PFKFB1: variants seen among roughly 807,000 people sequenced by gnomAD.
PFKFB1 encodes 6-phosphofructo-2-kinase/fructose-2,6-biphosphatase 1.
In PFKFB1, 34 loss-of-function variants were observed where a neutral mutation model predicts 46.4. That is an observed-to-expected ratio of 0.73 (90% CI 0.56 to 0.98). The LOEUF is 0.98. Among genes scored for constraint, PFKFB1 ranks in the 50% least tolerant of loss-of-function variants. The probability of loss-of-function intolerance (pLI) is 0.00; values close to 1 mark genes in which losing one functional copy is unlikely to be tolerated. For synonymous variants in PFKFB1, 119 were observed against 133.8 expected, an observed-to-expected ratio of 0.89 and a Z score of 0.76; for missense variants, 393 against 376.3, an observed-to-expected ratio of 1.04 and a Z score of -0.37.
intron 1 of PFKFB1, among the ~76,000 whole-genome samples, chrX:54,993,670 T>C (rs1453866510): frequency 1.8e-5 from 2 of 112,237 alleles, no homozygotes; most frequent in Non-Finnish European, 3.8e-5. Context: ...TTCCTAAAGA[T>C]CCCTCTGATT....
chrX:54,983,529 C>T (rs909144031), intron 1 of PFKFB1, among the ~76,000 whole-genome samples: 21 of 112,084 alleles, frequency 1.9e-4, no homozygotes, highest in African/African-American at 3.2e-4. Flanking sequence ...TAGTATTCCA[C>T]GGCATACACA....
intron 12 of PFKFB1, 149 bp from the exon 13 acceptor site, chrX:54,934,034 G>C: frequency 4.4e-6 from 2 of 454,864 alleles, no homozygotes; most frequent in Non-Finnish European, 7.7e-6. Flanking sequence ...GGAGAATTTA[G>C]ACAGCTATGT....
intron 8 of PFKFB1, among the ~76,000 whole-genome samples, chrX:54,950,401 T>G (rs1389895214): frequency 9.0e-6 from 1 of 111,607 alleles, no homozygotes; most frequent in Non-Finnish European, 1.9e-5. Flanking sequence ...GGGGCTGCAC[T>G]TTAGATAGTG....
intron 9 of PFKFB1, among the ~76,000 whole-genome samples, chrX:54,947,116 C>T (rs1461886958): frequency 9.0e-6 from 1 of 111,389 alleles, no homozygotes; most frequent in African/African-American, 3.3e-5. Flanking sequence ...CTCCCTATCC[C>T]TGTCTCTCTG....
At chrX:54,987,846 C>A (rs1006745024) in intron 1 of PFKFB1, among the ~76,000 whole-genome samples, 4 of 110,969 alleles carry the variant, frequency 3.6e-5, no homozygotes, top group Non-Finnish European at 7.6e-5. Flanking sequence ...ATAAAAGACA[C>A]CAATGAAAAA....
intron 10 of PFKFB1, among the ~76,000 whole-genome samples, chrX:54,938,099 G>A (rs1381166467): frequency 8.9e-6 from 1 of 112,314 alleles, no homozygotes; most frequent in East Asian, 2.8e-4. Flanking sequence ...ATAAGTGGAT[G>A]TAGCAGCCAC....
chrX:54,980,541 C>T (rs139621224), intron 1 of PFKFB1, among the ~76,000 whole-genome samples: 130 of 110,402 alleles, frequency 1.2e-3, no homozygotes, highest in African/African-American at 4.2e-3. Context: ...ACAAAGGTGA[C>T]GTAATCAGCG....
intron 8 of PFKFB1, among the ~76,000 whole-genome samples, chrX:54,949,508 CAAACAGGCCCACCTCT>C (rs1242595288): frequency 1.8e-5 from 2 of 111,109 alleles, no homozygotes; most frequent in African/African-American, 6.5e-5. Context: ...TTCATTCATT[CAAACAGGCCCACCTCT>C]AACATTTGTG....
Position 54,945,636 on chromosome X carries a change from C to G in PFKFB1, c.994-93G>C, listed in dbSNP as rs924939508. 3 of 569,077 alleles carry G rather than the reference C, an allele frequency of 5.3e-6. No individual in the cohort carries two copies. In the Admixed American group the frequency reaches 9.6e-5, roughly 18 times the overall value. 46.9% of individuals were successfully genotyped at this position (569,077 alleles called of 1,213,427 possible). ...CTTCGATGATTGTGAAACAGTAGCACATGAGCACCTGGGTCTCTGTGAACA... is the reference window on the plus strand; with the variant it reads ...CTTCGATGATTGTGAAACAGTAGCAGATGAGCACCTGGGTCTCTGTGAACA... On this transcript the variant is annotated intron_variant, in intron 9 of 13. Coordinates refer to ENST00000375006, the MANE Select transcript of PFKFB1 (RefSeq NM_002625.4).
intron 10 of PFKFB1, among the ~76,000 whole-genome samples, chrX:54,940,086 C>T (rs775875053): frequency 1.1e-3 from 128 of 112,014 alleles, no homozygotes; most frequent in African/African-American, 4.1e-3. Context: ...GCTGGTTCAA[C>T]ATATGCAAAT....
chrX:54,995,110 C>T (rs982628195), upstream of PFKFB1, among the ~76,000 whole-genome samples: 6 of 111,780 alleles, frequency 5.4e-5, no homozygotes, highest in African/African-American at 2.0e-4. Flanking sequence ...AGATGACTCA[C>T]TCTCACCTGC....
intron 8 of PFKFB1, among the ~76,000 whole-genome samples, chrX:54,950,189 T>C (rs772599893): frequency 8.9e-6 from 1 of 112,735 alleles, no homozygotes; most frequent in East Asian, 2.8e-4. Flanking sequence ...TATGCAGCTA[T>C]AGGCGTTTCA....
intron 10 of PFKFB1, among the ~76,000 whole-genome samples, chrX:54,941,072 T>C (rs1390208324): frequency 7.2e-5 from 8 of 111,416 alleles, no homozygotes; most frequent in African/African-American, 1.3e-4. Context: ...GAACAGAGCC[T>C]TCAGAAATAA....
intron 10 of PFKFB1, among the ~76,000 whole-genome samples, chrX:54,939,850 T>A (rs1452467153): frequency 8.9e-6 from 1 of 112,182 alleles, no homozygotes; most frequent in Non-Finnish European, 1.9e-5. Context: ...CTGAAACTAT[T>A]CCAATCAATA....
At chrX:54,941,327 A>AT (rs1933623619) in intron 10 of PFKFB1, among the ~76,000 whole-genome samples, 1 of 112,143 alleles carries the variant, frequency 8.9e-6, no homozygotes, top group African/African-American at 3.2e-5. Context: ...GGACATAGGC[A>AT]TGGGCAAGGA....
chrX:54,957,177 T>G (rs2048634539), intron 6 of PFKFB1, among the ~76,000 whole-genome samples: 2 of 111,963 alleles, frequency 1.8e-5, no homozygotes, highest in Non-Finnish European at 3.8e-5. Context: ...AAGCTACTTA[T>G]AGTTCTCTGG....
At chrX:54,971,713 C>G (rs1318369260) in intron 1 of PFKFB1, among the ~76,000 whole-genome samples, 1 of 110,212 alleles carries the variant, frequency 9.1e-6, no homozygotes, top group East Asian at 2.8e-4. Flanking sequence ...GTTTTGGTAC[C>G]AGTACCATGC....
intron 9 of PFKFB1, among the ~76,000 whole-genome samples, chrX:54,947,908 C>T (rs1389157860): frequency 9.1e-6 from 1 of 109,507 alleles, no homozygotes; most frequent in African/African-American, 3.4e-5. Flanking sequence ...ACCAGCAAGC[C>T]CTGCTGATTC....
Position 54,994,017 on chromosome X carries a change from C to G in PFKFB1, c.-10G>C. The G allele has an allele frequency of 2.5e-6, 3 of 1,195,301 alleles. No homozygotes were observed. The highest frequency in any genetic ancestry group is 2.3e-6 in the Non-Finnish European group (2 of 886,639). Reference sequence around the variant, plus strand: ...CCATCTCTGGAGACATCTTAGGAGTCGCACCGAATGACATCACTGCCCACA... The same window carrying G: ...CCATCTCTGGAGACATCTTAGGAGTGGCACCGAATGACATCACTGCCCACA... On this transcript the variant is annotated 5_prime_UTR_variant, in exon 1 of 14. Coordinates refer to ENST00000375006, the MANE Select transcript of PFKFB1 (RefSeq NM_002625.4).
Sources: gnomAD v4.1 joint callset for allele counts (sites outside exome capture counted in the v4.1 genomes callset) on GRCh38, gnomAD v4.1.1 for gene constraint, MANE v1.5 for transcripts, NCBI Gene and HGNC (gene_info 2026-07-23, HGNC 2026-07-21) for gene names.